RBFOX1: variants seen among roughly 807,000 people sequenced by gnomAD.
RBFOX1 encodes the protein RNA binding protein fox-1 homolog 1.
Under a neutral mutation model 57.7 loss-of-function variants are expected in RBFOX1, and 8 were observed. The ratio of observed to expected loss-of-function variants is 0.14; its 90% CI spans 0.08 to 0.25. The LOEUF is 0.25. Among genes scored for constraint, RBFOX1 ranks in the 10% least tolerant of loss-of-function variants. The pLI is 1.00. For missense variants in RBFOX1, 611 were observed against 548.5 expected, an observed-to-expected ratio of 1.11 and a Z score of -1.14; for synonymous variants, 326 against 222.4, an observed-to-expected ratio of 1.47 and a Z score of -4.15.
chr16:5,726,999 C>T (rs1000407472), intron 3 of RBFOX1, among the ~76,000 whole-genome samples: 1 of 152,184 alleles, frequency 6.6e-6, no homozygotes, highest in African/African-American at 2.4e-5. Flanking sequence ...TGGCTCATGC[C>T]TGTAATCCCA....
chr16:6,240,246 A>G (rs2097533160), intron 1 of RBFOX1, among the ~76,000 whole-genome samples: 1 of 152,168 alleles, frequency 6.6e-6, no homozygotes, highest in South Asian at 2.1e-4. Context: ...TTTTCTTCAT[A>G]AATTACCCAG....
intron 4 of RBFOX1, among the ~76,000 whole-genome samples, chr16:7,054,708 C>G (rs748722378): frequency 6.6e-6 from 1 of 152,164 alleles, no homozygotes; most frequent in Non-Finnish European, 1.5e-5. Context: ...TGAAGGGTAA[C>G]TGTCTGCAAG....
intron 4 of RBFOX1, among the ~76,000 whole-genome samples, chr16:5,907,508 T>C (rs1332762555): frequency 1.3e-5 from 2 of 152,196 alleles, no homozygotes; most frequent in Non-Finnish European, 2.9e-5. Context: ...CTTGGGCCTA[T>C]GGAGAACAGG....
At chr16:5,697,364 A>G (rs2050877032) in intron 3 of RBFOX1, among the ~76,000 whole-genome samples, 1 of 151,230 alleles carries the variant, frequency 6.6e-6, no homozygotes, top group African/African-American at 2.4e-5. Flanking sequence ...CTCATATAAT[A>G]TGAATAATAT....
chr16:6,854,587 A>ATT (rs71147611), intron 3 of RBFOX1, among the ~76,000 whole-genome samples: 8,532 of 70,526 alleles, frequency 0.12, 1,583 homozygotes, highest in African/African-American at 0.35. Flanking sequence ...GGAGAGGTGA[A>ATT]TTTTTTTTTT....
At chr16:5,877,529 C>T (rs1052466684) in intron 4 of RBFOX1, among the ~76,000 whole-genome samples, 5 of 152,210 alleles carry the variant, frequency 3.3e-5, no homozygotes, top group Admixed American at 1.3e-4. Flanking sequence ...GCAGGGCAGG[C>T]GAGCCCCACA....
chr16:6,213,677 A>C (rs1252326969), intron 1 of RBFOX1, among the ~76,000 whole-genome samples: 1 of 152,242 alleles, frequency 6.6e-6, no homozygotes, highest in East Asian at 1.9e-4. Flanking sequence ...AAGAAGAAAT[A>C]CTGGATGGTT....
At chr16:5,357,755 A>T (rs1326008308) in intron 1 of RBFOX1, among the ~76,000 whole-genome samples, 2 of 152,136 alleles carry the variant, frequency 1.3e-5, no homozygotes, top group African/African-American at 2.4e-5. Flanking sequence ...TGTTAGTCAG[A>T]ATCTCCCCCT....
chr16:7,134,294 G>T (rs1015957784), intron 4 of RBFOX1, among the ~76,000 whole-genome samples: 2 of 152,144 alleles, frequency 1.3e-5, no homozygotes, highest in African/African-American at 4.8e-5. Flanking sequence ...ACATTTTGCT[G>T]TGAAACTTTG....
chr16:5,876,782 G>T (rs1278196241), intron 4 of RBFOX1, among the ~76,000 whole-genome samples: 1 of 152,170 alleles, frequency 6.6e-6, no homozygotes. Flanking sequence ...CTCAGACTCT[G>T]TGCACCAAAT....
chr16:6,033,749 A>G (rs536128384), intron 1 of RBFOX1, among the ~76,000 whole-genome samples: 9 of 152,144 alleles, frequency 5.9e-5, no homozygotes, highest in Non-Finnish European at 1.0e-4. Flanking sequence ...AATATCTTCA[A>G]CCGCCACCAC....
intron 3 of RBFOX1, among the ~76,000 whole-genome samples, chr16:6,747,476 T>TGTCTGTCTGTC (rs1414362121): frequency 0.019 from 2,543 of 137,098 alleles, 55 homozygotes; most frequent in African/African-American, 0.054. Context: ...GTCTGTCTGT[T>TGTCTGTCTGTC]TATCTATCTG....
At chr16:7,697,971 G>C (rs1309360081) in intron 14 of RBFOX1, among the ~76,000 whole-genome samples, 1 of 152,182 alleles carries the variant, frequency 6.6e-6, no homozygotes, top group African/African-American at 2.4e-5. Flanking sequence ...GGGAGTACTG[G>C]TGTAGTTGTG....
At chr16:5,284,451 A>G (rs566927513) in intron 1 of RBFOX1, among the ~76,000 whole-genome samples, 25 of 152,030 alleles carry the variant, frequency 1.6e-4, no homozygotes, top group African/African-American at 5.1e-4. Flanking sequence ...TTGCTTCCCA[A>G]TGTAGGACTC....
intron 4 of RBFOX1, among the ~76,000 whole-genome samples, chr16:5,888,670 C>G (rs984694317): frequency 6.6e-6 from 1 of 152,048 alleles, no homozygotes; most frequent in Non-Finnish European, 1.5e-5. Context: ...TGGCACATGC[C>G]TGTAATCCCA....
At chr16:5,570,945 A>G (rs2046261761) in intron 2 of RBFOX1, among the ~76,000 whole-genome samples, 1 of 151,956 alleles carries the variant, frequency 6.6e-6, no homozygotes. Context: ...TGAGTTTGAT[A>G]TTAGCTAGAA....
chr16:7,059,457 T>G (rs1434325450), intron 4 of RBFOX1, among the ~76,000 whole-genome samples: 1 of 152,164 alleles, frequency 6.6e-6, no homozygotes, highest in Admixed American at 6.5e-5. Context: ...TATAATAATA[T>G]ACTAAAACTT....
intron 4 of RBFOX1, among the ~76,000 whole-genome samples, chr16:7,435,682 C>G (rs1360793280): frequency 6.6e-6 from 1 of 152,140 alleles, no homozygotes; most frequent in Non-Finnish European, 1.5e-5. Context: ...CATTGCCTGC[C>G]CCCGAAGCTA....
rs11863213 is a variant in RBFOX1, at chr16:7,627,425, C to A, written c.677-3178C>A. Among the ~76,000 whole-genome samples the A allele has an allele frequency of 2.0e-5, 3 of 152,034 alleles. No individual in the cohort carries two copies. The South Asian group carries it at 6.2e-4, about 32-fold the overall frequency. Reference sequence around the variant, plus strand: ...TATAAATTGACCCCATTTGCCATCCCTAGATTATAAGGAATTTGATAAAAG... The same window carrying A: ...TATAAATTGACCCCATTTGCCATCCATAGATTATAAGGAATTTGATAAAAG... On this transcript the variant is annotated intron_variant, in intron 10 of 15. Coordinates refer to ENST00000550418, the MANE Select transcript of RBFOX1 (RefSeq NM_018723.4).
Sources: gnomAD v4.1 joint callset for allele counts (sites outside exome capture counted in the v4.1 genomes callset) on GRCh38, gnomAD v4.1.1 for gene constraint, MANE v1.5 for transcripts, NCBI Gene and HGNC (gene_info 2026-07-23, HGNC 2026-07-21) for gene names.